Variants in PDK1 observed in about 807,000 individuals in gnomAD.
PDK1 encodes [Pyruvate dehydrogenase (acetyl-transferring)] kinase isozyme 1, mitochondrial.
Under a neutral mutation model 54.2 loss-of-function variants are expected in PDK1, and 39 were observed. The ratio of observed to expected loss-of-function variants is 0.72; its 90% CI spans 0.56 to 0.94. The LOEUF is 0.94. Among genes scored for constraint, PDK1 ranks in the 40% least tolerant of loss-of-function variants. The pLI is 0.00. For missense variants in PDK1, 552 were observed against 566.0 expected (o/e 0.98, Z 0.25); for synonymous variants, 221 against 207.1 (o/e 1.07, Z -0.58).
chr2:172,641,332 A>G, the PDK1 span, among the ~76,000 whole-genome samples: 30 of 151,462 alleles, frequency 2.0e-4, no homozygotes, highest in Non-Finnish European at 3.4e-4. Flanking sequence ...GGGTCTTTCT[A>G]TGTTGCCCAG....
At chr2:172,586,185 C>T (rs1397876255) in intron 8 of PDK1, 93 bp from the exon 9 acceptor site, 22 of 710,610 alleles carry the variant, frequency 3.1e-5, no homozygotes, top group Non-Finnish European at 3.9e-5. Context: ...AGCGCTCTCC[C>T]ACCAGCAGTT....
chr2:172,616,077 A>G, the PDK1 span, among the ~76,000 whole-genome samples: 1 of 152,202 alleles, frequency 6.6e-6, no homozygotes, highest in Non-Finnish European at 1.5e-5. Context: ...GTTCTATTTT[A>G]TATCCCTTAG....
chr2:172,589,272 T>G (rs1690436366), intron 9 of PDK1, among the ~76,000 whole-genome samples: 1 of 152,174 alleles, frequency 6.6e-6, no homozygotes, highest in Admixed American at 6.5e-5. Context: ...CTCACTCAAA[T>G]TATGAAAGAA....
intron 3 of PDK1, chr2:172,562,725 A>AT (rs755501683): frequency 9.8e-6 from 14 of 1,421,596 alleles, no homozygotes; most frequent in South Asian, 3.5e-5. Context: ...TAATTAAAAC[A>AT]TTTTTTAAAA....
At chr2:172,672,914 A>C in the PDK1 span, among the ~76,000 whole-genome samples, 2 of 152,230 alleles carry the variant, frequency 1.3e-5, no homozygotes, top group Non-Finnish European at 2.9e-5. Flanking sequence ...ACAGCATCAA[A>C]GCATGTTACC....
the PDK1 span, among the ~76,000 whole-genome samples, chr2:172,651,872 C>T: frequency 6.6e-6 from 1 of 152,302 alleles, no homozygotes; most frequent in East Asian, 1.9e-4. Flanking sequence ...GATTCACAGC[C>T]GAATTCTACC....
At chr2:172,565,109 C>T in intron 5 of PDK1, 36 bp downstream of exon 5, 2 of 1,204,764 alleles carry the variant, frequency 1.7e-6, no homozygotes, top group Non-Finnish European at 2.4e-6. Flanking sequence ...AAAAAAGATA[C>T]AAAAATCAAA....
chr2:172,587,875 A>C (rs993704720), intron 9 of PDK1, among the ~76,000 whole-genome samples: 2 of 152,252 alleles, frequency 1.3e-5, no homozygotes, highest in Non-Finnish European at 2.9e-5. Flanking sequence ...AAGTTCTCCA[A>C]GTCCCCACCC....
At chr2:172,646,971 A>G in the PDK1 span, among the ~76,000 whole-genome samples, 15 of 152,118 alleles carry the variant, frequency 9.9e-5, 1 homozygote, top group African/African-American at 3.6e-4. Context: ...TCCTGACCTC[A>G]GGTGATCCAC....
At chr2:172,582,986 A>T (rs1689993832) in intron 8 of PDK1, among the ~76,000 whole-genome samples, 1 of 152,200 alleles carries the variant, frequency 6.6e-6, no homozygotes, top group African/African-American at 2.4e-5. Context: ...TTGTTGTTAC[A>T]GTCTCCGTGG....
At position 172,556,741 on chromosome 2, in the gene PDK1, T is replaced by G. The variant is rs191450122; in HGVS notation, c.196+395T>G. On this transcript the variant is annotated intron_variant, in intron 1 of 10. Transcript: ENST00000282077. ...TGCAGTGATGATGAATGCCCAGTTT[T>G]GCATATGATGATTGCATAGAATTGG... 335 of 169,108 alleles carry G rather than the reference T, an allele frequency of 2.0e-3. 1 individual carries two copies. Among genetic ancestry groups the G allele is most frequent in the Non-Finnish European group, 3.3e-3 (266 of 79,500 alleles). 10.5% of individuals were successfully genotyped at this position (169,108 alleles called of 1,614,324 possible).
Position 172,558,941 on chromosome 2 carries a change from C to A in PDK1, c.338+92C>A, listed in dbSNP as rs1309266577. On this transcript the variant is annotated intron_variant, in intron 2 of 10. Transcript: ENST00000282077. ...GCTTTTTTTTACTCTTTGGTGGAATCTTTTTTGTTTTGTTTTGTTTTGTTT... is the reference window on the plus strand; with the variant it reads ...GCTTTTTTTTACTCTTTGGTGGAATATTTTTTGTTTTGTTTTGTTTTGTTT... 4 of 1,299,224 alleles carry A rather than the reference C, an allele frequency of 3.1e-6. No homozygotes were observed. In the African/African-American group the frequency reaches 6.0e-5, roughly 20 times the overall value. 80.5% of individuals were successfully genotyped at this position (1,299,224 alleles called of 1,614,324 possible). A position where few individuals can be genotyped will look rare whatever the true frequency, so the allele number is the denominator to read the frequency against.
At chr2:172,635,365 G>A in the PDK1 span, among the ~76,000 whole-genome samples, 1 of 152,152 alleles carries the variant, frequency 6.6e-6, no homozygotes, top group Non-Finnish European at 1.5e-5. Flanking sequence ...GCCCAGGCTG[G>A]AGCGCAATGG....
At position 172,557,082 on chromosome 2, in the gene PDK1, A is replaced by G. The variant is rs140931708; in HGVS notation, c.196+736A>G. 5.0e-3 allele frequency among the ~76,000 whole-genome samples: 762 copies of G among 152,342 alleles called. 9 individuals carry two copies. The highest frequency in any genetic ancestry group is 0.017 in the African/African-American group (696 of 41,570). On this transcript the variant is annotated intron_variant, in intron 1 of 10. Transcript: ENST00000282077. ...ATGAATTCATAAAATTTGAGTACAA[A>G]GGTTATCTTCTGCATTGTGACTTCT...
rs879266110 is a variant in PDK1 at position 172,606,543 on chromosome 2, A to G, written c.*10574A>G. On this transcript the variant is annotated 3_prime_UTR_variant, in exon 11 of 11. Coordinates refer to ENST00000282077, the MANE Select transcript of PDK1 (RefSeq NM_002610.5). ...AAGCACAAGTTCTGTGCAGTTGTCC[A>G]TATGCTGTCATGAGTTTTGCCATAT... 2 of 152,142 alleles carry G rather than the reference A, an allele frequency of 1.3e-5. No individual in the cohort carries two copies. Among genetic ancestry groups the G allele is most frequent in the East Asian group, 3.8e-4 (2 of 5,196 alleles). The allele number at this position is 152,142 out of a possible 1,614,324, so 9.4% of individuals were successfully genotyped here. A position where few individuals can be genotyped will look rare whatever the true frequency, so the allele number is the denominator to read the frequency against.
the PDK1 span, among the ~76,000 whole-genome samples, chr2:172,714,521 T>C: frequency 6.6e-6 from 1 of 152,200 alleles, no homozygotes; most frequent in African/African-American, 2.4e-5. Flanking sequence ...GTTTTCTTTA[T>C]TGATAAAGCT....
intron 8 of PDK1, among the ~76,000 whole-genome samples, chr2:172,580,676 A>C (rs60792763): frequency 0.017 from 2,633 of 152,338 alleles, 75 homozygotes; most frequent in African/African-American, 0.061. Context: ...GGCACTATTC[A>C]CAATAGTGTA....
At chr2:172,641,369 G>A in the PDK1 span, among the ~76,000 whole-genome samples, 2,377 of 151,620 alleles carry the variant, frequency 0.016, 63 homozygotes, top group African/African-American at 0.055. Flanking sequence ...CTGGCCTCAA[G>A]TGATCTTCCC....
At chr2:172,634,959 A>G in the PDK1 span, among the ~76,000 whole-genome samples, 1 of 152,170 alleles carries the variant, frequency 6.6e-6, no homozygotes. Context: ...TCTTTATTCC[A>G]TTGAAAACTA....
Sources: gnomAD v4.1 joint callset for allele counts (sites outside exome capture counted in the v4.1 genomes callset) on GRCh38, gnomAD v4.1.1 for gene constraint, MANE v1.5 for transcripts, NCBI Gene and HGNC (gene_info 2026-07-23, HGNC 2026-07-21) for gene names.